LIAS: variants seen among roughly 807,000 people sequenced by gnomAD.
LIAS encodes lipoic acid synthetase.
In LIAS, 36 loss-of-function variants were observed where a neutral mutation model predicts 49.4. The observed-to-expected ratio is 0.73, with a 90% CI of 0.56 to 0.96. The LOEUF (loss-of-function observed/expected upper bound fraction) is 0.96. LIAS is among the 40% of genes least tolerant of loss of function. The probability of loss-of-function intolerance (pLI) is 0.00; values close to 1 mark genes in which losing one functional copy is unlikely to be tolerated. For missense variants in LIAS, 399 were observed against 456.3 expected (o/e 0.87, Z 1.14); for synonymous variants, 145 against 155.8 (o/e 0.93, Z 0.52).
intron 10 of LIAS, chr4:39,474,784 A>T (rs1745132232): frequency 6.6e-6 from 1 of 151,188 alleles, no homozygotes; most frequent in African/African-American, 2.4e-5. Context: ...TTTAGTAGAG[A>T]CGGGGTTTCA....
chr4:39,463,416 A>G, intron 3 of LIAS, 109 bp from the exon 4 acceptor site: 1 of 1,359,100 alleles, frequency 7.4e-7, no homozygotes, highest in African/African-American at 1.5e-5. Context: ...AATGTCTTCA[A>G]AAATATGTTG....
rs1250162017 is a variant in LIAS at position 39,459,131 on chromosome 4, G to C, written c.14G>C (p.Cys5Ser). 3 of 1,613,928 alleles carry C rather than the reference G, an allele frequency of 1.9e-6. No individual in the cohort carries two copies. Among genetic ancestry groups the C allele is most frequent in the Non-Finnish European group, 2.5e-6 (3 of 1,180,040 alleles). The part of the protein sequence containing the change: MSLR[C>S]GDAARTLGPR... ...CCTAAAGAGGAAATGTCTCTACGCT[G>C]CGGGGATGCAGCCCGCACCCTGGGG... Residue 5 changes from cysteine (C) to serine (S), a missense_variant, in exon 1 of 11, where the codon TGC becomes TCC. Coordinates refer to ENST00000640888, the MANE Select transcript of LIAS (RefSeq NM_006859.4).
At chr4:39,472,448 A>G (rs1745028796) in intron 9 of LIAS, among the ~76,000 whole-genome samples, 1 of 152,206 alleles carries the variant, frequency 6.6e-6, no homozygotes, top group Non-Finnish European at 1.5e-5. Flanking sequence ...TTATCTACAT[A>G]AATCAGCTAC....
Position 39,477,228 on chromosome 4 carries a change from T to A in LIAS, c.*113T>A. The A allele has an allele frequency of 1.6e-6, 1 of 620,288 alleles. No individual in the cohort carries two copies. Among genetic ancestry groups the A allele is most frequent in the Non-Finnish European group, 2.6e-6 (1 of 378,042 alleles). The allele number at this position is 620,288 out of a possible 1,614,324, so 38.4% of individuals were successfully genotyped here. On this transcript the variant is annotated 3_prime_UTR_variant, in exon 11 of 11. Transcript: ENST00000640888. Reference sequence around the variant, plus strand: ...AGTGGATGTGCCCCACCTCTTTGCTTAAAAAAAAAAATGTCAATAGCCAGG... The same window carrying A: ...AGTGGATGTGCCCCACCTCTTTGCTAAAAAAAAAAAATGTCAATAGCCAGG...
At chr4:39,473,648 T>C (rs2109888521) in intron 10 of LIAS, 1 of 152,682 alleles carries the variant, frequency 6.5e-6, no homozygotes, top group East Asian at 1.9e-4. Flanking sequence ...TCTTATTTGA[T>C]AGCATTGCTT....
chr4:39,469,131 A>G (rs955284700), intron 7 of LIAS: 2 of 152,180 alleles, frequency 1.3e-5, no homozygotes, highest in Non-Finnish European at 2.9e-5. Context: ...TAGCTTCTAC[A>G]TATGATCTGT....
At position 39,471,273 on chromosome 4, in the gene LIAS, A is replaced by G. The variant is rs1163708662; in HGVS notation, c.921A>G (p.Gly307=). ...CAGATGTAGACTGCTTGACTTTAGG[A>G]CAATATATGCAGCCAACAAGGCGTC... ...READVDCLTL[G]QYMQPTRRHL... Residue 307 remains glycine (G), a synonymous_variant, in exon 9 of 11, where the codon GGA becomes GGG. Transcript: ENST00000640888. The G allele has an allele frequency of 6.2e-7, 1 of 1,612,434 alleles. No individual in the cohort carries two copies. The highest frequency in any genetic ancestry group is 1.7e-5 in the Admixed American group (1 of 59,968).
intron 3 of LIAS, among the ~76,000 whole-genome samples, chr4:39,462,965 C>T (rs921620728): frequency 2.0e-5 from 3 of 152,128 alleles, no homozygotes; most frequent in African/African-American, 4.8e-5. Flanking sequence ...CCAGCCTGGA[C>T]GACAGTGAGA....
intron 1 of LIAS, 41 bp downstream of exon 1, chr4:39,459,203 G>A (rs763067097): frequency 2.5e-6 from 4 of 1,587,162 alleles, no homozygotes; most frequent in South Asian, 1.1e-5. Flanking sequence ...GGGGTGGGGG[G>A]ATCCTATCCC....
intron 1 of LIAS, among the ~76,000 whole-genome samples, chr4:39,460,145 A>C (rs978614316): frequency 5.3e-5 from 8 of 152,226 alleles, no homozygotes; most frequent in Admixed American, 4.6e-4. Flanking sequence ...AAACTGTGGC[A>C]CCTTCTTCAG....
rs890202709 is a variant in LIAS at position 39,467,460 on chromosome 4, G to C, written c.609-58G>C. 11 of 1,460,940 alleles carry C rather than the reference G, an allele frequency of 7.5e-6. No homozygotes were observed. The African/African-American group carries it at 1.4e-4, about 19-fold the overall frequency. The allele number at this position is 1,460,940 out of a possible 1,614,324, so 90.5% of individuals were successfully genotyped here. ...AACGATTACTGATAATTTCTATTTT[G>C]AGGAACAGGTATGTCAGTTCTTTCT... On this transcript the variant is annotated intron_variant, in intron 6 of 10. Coordinates refer to ENST00000640888, the MANE Select transcript of LIAS (RefSeq NM_006859.4).
At chr4:39,463,699 G>T in intron 4 of LIAS, 94 bp downstream of exon 4, 2 of 1,440,814 alleles carry the variant, frequency 1.4e-6, no homozygotes, top group South Asian at 1.5e-5. Context: ...TGAATCTCTG[G>T]TCAGATTTTT....
Position 39,465,053 on chromosome 4 carries a change from G to A in LIAS, c.401G>A (p.Gly134Asp). The change falls in exon 5 of 11, where the codon GGT (glycine) becomes GAT (aspartate). Residue 134 changes from glycine (G) to aspartate (D), a missense_variant. Around this residue, in one of 3 missense-constraint regions of LIAS, gnomAD observed 234 missense variants for 292.2 expected, o/e 0.80. Coordinates refer to ENST00000640888, the MANE Select transcript of LIAS (RefSeq NM_006859.4). ...ATATATIMLM[G>D]DTCTRGCRFC... Reference sequence around the variant, plus strand: ...GTAACATTTCTATTCTAGTTGATGGGTGACACATGTACAAGAGGTTGCAGA... The same window carrying A: ...GTAACATTTCTATTCTAGTTGATGGATGACACATGTACAAGAGGTTGCAGA... 1 of 1,612,632 alleles carries A rather than the reference G, an allele frequency of 6.2e-7. No individual in the cohort carries two copies. The highest frequency in any genetic ancestry group is 8.5e-7 in the Non-Finnish European group (1 of 1,179,164).
chr4:39,473,023 G>A lies in LIAS; in HGVS notation c.955-77G>A, dbSNP rs966348101. ...TAAATTACGCAGTGAAGAGCATTCT[G>A]CATACATAGGTATAGACTTTCTGCA... On this transcript the variant is annotated intron_variant, in intron 9 of 10. Transcript: ENST00000640888. 2.8e-5 allele frequency: 23 copies of A among 826,610 alleles called. No individual in the cohort carries two copies. The Admixed American group carries it at 3.3e-4, about 12-fold the overall frequency. The allele number at this position is 826,610 out of a possible 1,614,324, so 51.2% of individuals were successfully genotyped here. A position where few individuals can be genotyped will look rare whatever the true frequency, so the allele number is the denominator to read the frequency against.
intron 3 of LIAS, among the ~76,000 whole-genome samples, chr4:39,463,086 G>A (rs1186683596): frequency 1.3e-5 from 2 of 151,536 alleles, no homozygotes; most frequent in African/African-American, 4.9e-5. Context: ...ATAGAGTTGG[G>A]CAGTTTAACA....
intron 8 of LIAS, 66 bp downstream of exon 8, chr4:39,470,230 T>A: frequency 7.2e-7 from 1 of 1,383,152 alleles, no homozygotes; most frequent in Non-Finnish European, 9.9e-7. Context: ...ACCCACTCAC[T>A]TTGAAGGCCC....
rs562374511 is a variant in LIAS, at chr4:39,478,249, A to C, written c.*1134A>C. On this transcript the variant is annotated 3_prime_UTR_variant, in exon 11 of 11. Coordinates refer to ENST00000640888, the MANE Select transcript of LIAS (RefSeq NM_006859.4). Reference sequence around the variant, plus strand: ...CCAGATGTGGTGGCTCATGCCTGTAATTCCAGCACTCTGAGAGGCCGAGGT... The same window carrying C: ...CCAGATGTGGTGGCTCATGCCTGTACTTCCAGCACTCTGAGAGGCCGAGGT... 5.9e-5 allele frequency: 9 copies of C among 152,296 alleles called. No homozygotes were observed. Among genetic ancestry groups the C allele is most frequent in the Admixed American group, 4.6e-4 (7 of 15,298 alleles). 9.4% of individuals were successfully genotyped at this position (152,296 alleles called of 1,614,324 possible).
At chr4:39,470,762 C>T (rs1744951146) in intron 8 of LIAS, 2 of 157,152 alleles carry the variant, frequency 1.3e-5, no homozygotes, top group South Asian at 3.7e-4. Context: ...TAATCAAGAC[C>T]TGCTGTTTAC....
At chr4:39,462,147 T>C in intron 2 of LIAS, 49 bp from the exon 3 acceptor site, 1 of 793,356 alleles carries the variant, frequency 1.3e-6, no homozygotes, top group Non-Finnish European at 2.0e-6. Context: ...GCTGTGTAAT[T>C]ATTTGGCAGC....
Sources: gnomAD v4.1 joint callset for allele counts (sites outside exome capture counted in the v4.1 genomes callset) on GRCh38, gnomAD v4.1.1 for gene constraint, gnomAD v4.1.1 regional missense constraint, MANE v1.5 for transcripts, NCBI Gene and HGNC (gene_info 2026-07-23, HGNC 2026-07-21) for gene names.